The following PPM1E variants were observed in gnomAD, a reference collection of about 807,000 sequenced individuals.
PPM1E encodes protein phosphatase 1E.
In PPM1E, 20 loss-of-function variants were observed where a neutral mutation model predicts 65.9. The ratio of observed to expected loss-of-function variants is 0.30; its 90% confidence interval spans 0.21 to 0.44. PPM1E has a LOEUF of 0.44. PPM1E is among the 20% of genes least tolerant of loss of function. PPM1E has a pLI of 1.00. For missense variants in PPM1E, 713 were observed against 953.1 expected, an observed-to-expected ratio of 0.75 and a Z score of 3.32; for synonymous variants, 352 against 374.9, an observed-to-expected ratio of 0.94 and a Z score of 0.70.
chr17:58,913,528 A>G (rs975796712), intron 1 of PPM1E, among the ~76,000 whole-genome samples: 1 of 152,248 alleles, frequency 6.6e-6, no homozygotes, highest in African/African-American at 2.4e-5. Flanking sequence ...ATAGCGAAGT[A>G]GTGTAATAAA....
At chr17:58,803,257 C>A (rs2050275461) in intron 1 of PPM1E, among the ~76,000 whole-genome samples, 1 of 151,942 alleles carries the variant, frequency 6.6e-6, no homozygotes, top group South Asian at 2.1e-4. Flanking sequence ...TCCTTCAATA[C>A]CTAATTTGTT....
chr17:58,761,655 C>T (rs1396339198), intron 1 of PPM1E, among the ~76,000 whole-genome samples: 1 of 152,168 alleles, frequency 6.6e-6, no homozygotes, highest in East Asian at 1.9e-4. Flanking sequence ...CAATTTCTTA[C>T]CCGTTTTTTA....
chr17:58,946,907 C>T (rs1009822071), intron 1 of PPM1E, among the ~76,000 whole-genome samples: 3 of 151,710 alleles, frequency 2.0e-5, no homozygotes, highest in African/African-American at 7.3e-5. Flanking sequence ...AATCCAAGGT[C>T]ATGAAGATTT....
At chr17:58,842,576 G>A (rs1236639990) in intron 1 of PPM1E, among the ~76,000 whole-genome samples, 3 of 151,960 alleles carry the variant, frequency 2.0e-5, no homozygotes, top group Non-Finnish European at 4.4e-5. Context: ...AGGCCAAGGC[G>A]GGTGGATCAC....
intron 1 of PPM1E, among the ~76,000 whole-genome samples, chr17:58,830,859 A>AT: frequency 6.6e-6 from 1 of 150,486 alleles, no homozygotes; most frequent in East Asian, 2.0e-4. Context: ...TGATTTTTGT[A>AT]TTTTTTGTAG....
Position 58,756,231 on chromosome 17 carries a change from G to C in PPM1E, c.234G>C (p.Glu78Asp). ...CGGCCACGGTAGCCGCGACGGAGGA[G>C]GGGGACCAGGAGCAAGACCCGGAGC... ...EEAATVAATE[E>D]GDQEQDPEPE... The change falls in exon 1 of 7, where the codon GAG (glutamate) becomes GAC (aspartate). Residue 78 changes from glutamate (E) to aspartate (D), a missense_variant. Physicochemically the swap from Glu to Asp is conservative, Grantham distance 45 (BLOSUM62 2). This residue lies in a region of PPM1E where 212 missense variants were observed against 204.0 expected (regional missense o/e 1.04). Transcript: ENST00000308249. 1 of 1,553,188 alleles carries C rather than the reference G, an allele frequency of 6.4e-7. No homozygotes were observed. The highest frequency in any genetic ancestry group is 1.2e-5 in the South Asian group (1 of 84,240).
chr17:58,798,229 T>TG (rs1200067653), intron 1 of PPM1E, among the ~76,000 whole-genome samples: 2 of 136,434 alleles, frequency 1.5e-5, no homozygotes, highest in African/African-American at 5.8e-5. Context: ...GTTTTTTGTT[T>TG]GTTTTTTTTT....
chr17:58,966,041 G>T, intron 3 of PPM1E, 148 bp downstream of exon 3: 3 of 785,064 alleles, frequency 3.8e-6, no homozygotes, highest in Non-Finnish European at 6.0e-6. Flanking sequence ...GCACAAATTT[G>T]CAACAGAAAA....
At chr17:58,963,896 A>G (rs1003357325) in intron 2 of PPM1E, among the ~76,000 whole-genome samples, 1 of 152,150 alleles carries the variant, frequency 6.6e-6, no homozygotes, top group African/African-American at 2.4e-5. Flanking sequence ...CAGAAAAAAT[A>G]AAAAATAAAA....
intron 1 of PPM1E, among the ~76,000 whole-genome samples, chr17:58,825,637 A>C (rs1223507207): frequency 6.6e-6 from 1 of 151,938 alleles, no homozygotes; most frequent in Non-Finnish European, 1.5e-5. Flanking sequence ...GCTCACTGCA[A>C]CCTTCACCTC....
chr17:58,886,101 T>C (rs1449047909), intron 1 of PPM1E, among the ~76,000 whole-genome samples: 1 of 152,148 alleles, frequency 6.6e-6, no homozygotes, highest in African/African-American at 2.4e-5. Context: ...TTGTTCTCCC[T>C]TTTCTAAAAA....
intron 1 of PPM1E, among the ~76,000 whole-genome samples, chr17:58,845,743 C>T (rs1038612244): frequency 2.6e-5 from 4 of 152,108 alleles, no homozygotes; most frequent in South Asian, 2.1e-4. Context: ...TGCAGTGGCG[C>T]GATCTTGGCT....
At position 58,883,323 on chromosome 17, in the gene PPM1E, T is replaced by A. The variant is rs936061870; in HGVS notation, c.465-72326T>A. Among the ~76,000 whole-genome samples the A allele has an allele frequency of 5.8e-4, 89 of 152,168 alleles. 1 individual carries two copies. The highest frequency in any genetic ancestry group is 6.6e-4 in the Non-Finnish European group (45 of 67,996). Reference sequence around the variant, plus strand: ...GCTGAATGTTTTTTAAAAGTTTTGTTTGTTACAGTTATCTCTTGGAAATAA... The same window carrying A: ...GCTGAATGTTTTTTAAAAGTTTTGTATGTTACAGTTATCTCTTGGAAATAA... On this transcript the variant is annotated intron_variant, in intron 1 of 6. Coordinates refer to ENST00000308249, the MANE Select transcript of PPM1E (RefSeq NM_014906.5).
chr17:58,909,169 G>A (rs1345482609), intron 1 of PPM1E, among the ~76,000 whole-genome samples: 2 of 151,720 alleles, frequency 1.3e-5, no homozygotes, highest in Admixed American at 6.6e-5. Context: ...TTTCTTGCAA[G>A]GCAGGTCTAC....
At chr17:58,943,085 T>TA (rs1393990588) in intron 1 of PPM1E, among the ~76,000 whole-genome samples, 4 of 150,480 alleles carry the variant, frequency 2.7e-5, no homozygotes, top group Non-Finnish European at 5.9e-5. Context: ...TTGAATAAAA[T>TA]AAAAAGTGAA....
chr17:58,890,246 G>A (rs557528584), intron 1 of PPM1E, among the ~76,000 whole-genome samples: 2 of 152,118 alleles, frequency 1.3e-5, no homozygotes, highest in Non-Finnish European at 2.9e-5. Flanking sequence ...CAAGAGTTAA[G>A]ATTATTTAAC....
Position 58,786,833 on chromosome 17 carries a change from A to G in PPM1E, c.464+30372A>G, listed in dbSNP as rs192219916. 9.8e-5 allele frequency among the ~76,000 whole-genome samples: 15 copies of G among 152,316 alleles called. No individual in the cohort carries two copies. The East Asian group carries it at 2.9e-3, about 29-fold the overall frequency. ...ATTTAATAATTAGTCCCTTATTTTGAATATTTAAGTTTAATATTTATTATT... is the reference window on the plus strand; with the variant it reads ...ATTTAATAATTAGTCCCTTATTTTGGATATTTAAGTTTAATATTTATTATT... On this transcript the variant is annotated intron_variant, in intron 1 of 6. Transcript: ENST00000308249.
intron 1 of PPM1E, among the ~76,000 whole-genome samples, chr17:58,816,724 G>A (rs1359425233): frequency 7.8e-6 from 1 of 128,468 alleles, no homozygotes; most frequent in Non-Finnish European, 1.6e-5. Context: ...GCATGTTGTA[G>A]CATGTATCAG....
At chr17:58,847,212 CTG>C (rs2050780569) in intron 1 of PPM1E, among the ~76,000 whole-genome samples, 2 of 151,938 alleles carry the variant, frequency 1.3e-5, no homozygotes, top group African/African-American at 4.8e-5. Context: ...TTCTCCCATT[CTG>C]TAGGTTGCCT....
Sources: gnomAD v4.1 joint callset for allele counts (sites outside exome capture counted in the v4.1 genomes callset) on GRCh38, gnomAD v4.1.1 for gene constraint, gnomAD v4.1.1 regional missense constraint, MANE v1.5 for transcripts, NCBI Gene and HGNC (gene_info 2026-07-23, HGNC 2026-07-21) for gene names.